KAZN: variants seen among roughly 807,000 people sequenced by gnomAD.
KAZN encodes the protein kazrin, periplakin interacting protein.
KAZN carries 40 observed loss-of-function variants against 87.4 expected under a neutral mutation model. The observed-to-expected ratio is 0.46, with a 90% confidence interval of 0.36 to 0.60. The LOEUF (loss-of-function observed/expected upper bound fraction) is 0.60. KAZN is among the 20% of genes least tolerant of loss of function. The probability of loss-of-function intolerance (pLI) is 0.00; values close to 1 mark genes in which losing one functional copy is unlikely to be tolerated. For missense variants in KAZN, 898 were observed against 1,073.9 expected, an observed-to-expected ratio of 0.84 and a Z score of 2.29; for synonymous variants, 466 against 458.3, an observed-to-expected ratio of 1.02 and a Z score of -0.22.
At chr1:14,572,819 T>G (rs1489379140) in intron 2 of KAZN, among the ~76,000 whole-genome samples, 1 of 152,208 alleles carries the variant, frequency 6.6e-6, no homozygotes, top group Admixed American at 6.5e-5. Context: ...AAGACCCCCT[T>G]CTTGGACTCA....
At chr1:14,737,254 C>T (rs900808074) in intron 1 of KAZN, among the ~76,000 whole-genome samples, 4 of 152,068 alleles carry the variant, frequency 2.6e-5, no homozygotes, top group African/African-American at 7.2e-5. Context: ...GCGGATGGTG[C>T]AGGAGTGATC....
chr1:14,081,106 G>GT (rs36056101), intron 1 of KAZN, among the ~76,000 whole-genome samples: 16,209 of 143,346 alleles, frequency 0.11, 950 homozygotes, highest in East Asian at 0.14. Flanking sequence ...CATGGTGTTG[G>GT]TTTTTTTTTT....
intron 2 of KAZN, among the ~76,000 whole-genome samples, chr1:14,248,291 C>T (rs1298524390): frequency 6.6e-6 from 1 of 152,210 alleles, no homozygotes; most frequent in Non-Finnish European, 1.5e-5. Context: ...CCCTTCCTGT[C>T]CAGGCTGGCA....
chr1:14,437,675 G>T (rs939040103), intron 2 of KAZN, among the ~76,000 whole-genome samples: 4 of 152,154 alleles, frequency 2.6e-5, no homozygotes, highest in African/African-American at 9.7e-5. Context: ...GCCAGGAGCT[G>T]CAGTCGCTGC....
chr1:14,512,497 T>C (rs1183877310), intron 2 of KAZN, among the ~76,000 whole-genome samples: 1 of 125,416 alleles, frequency 8.0e-6, no homozygotes, highest in Non-Finnish European at 1.6e-5. Context: ...CCAACCCTAG[T>C]TGAGAACCAC....
At chr1:14,665,281 G>T (rs1435098504) in intron 1 of KAZN, among the ~76,000 whole-genome samples, 2 of 146,718 alleles carry the variant, frequency 1.4e-5, no homozygotes, top group Non-Finnish European at 3.0e-5. Flanking sequence ...AATATGTCCA[G>T]TGGCTGCCTC....
chr1:14,959,217 G>A (rs2101762089), intron 1 of KAZN, among the ~76,000 whole-genome samples: 1 of 152,242 alleles, frequency 6.6e-6, no homozygotes, highest in East Asian at 1.9e-4. Context: ...TTGGGAAAGA[G>A]ACAGATAAAT....
chr1:14,766,975 C>A (rs732470), intron 1 of KAZN, among the ~76,000 whole-genome samples: 83,478 of 151,736 alleles, frequency 0.55, 24,344 homozygotes, highest in Non-Finnish European at 0.67. Context: ...GGGACCAAAT[C>A]AATGGTGGGG....
At chr1:14,259,902 C>T (rs1010483729) in intron 2 of KAZN, among the ~76,000 whole-genome samples, 1 of 152,126 alleles carries the variant, frequency 6.6e-6, no homozygotes, top group Non-Finnish European at 1.5e-5. Flanking sequence ...GATCACTCTC[C>T]CCTTGAACAT....
chr1:14,233,369 A>G (rs114681310), intron 2 of KAZN, among the ~76,000 whole-genome samples: 2,111 of 152,310 alleles, frequency 0.014, 51 homozygotes, highest in African/African-American at 0.048. Flanking sequence ...TCCCAGGTTC[A>G]AGCAATCCTA....
At chr1:15,047,277 G>A (rs529908176) in intron 4 of KAZN, among the ~76,000 whole-genome samples, 73 of 152,252 alleles carry the variant, frequency 4.8e-4, no homozygotes, top group Non-Finnish European at 6.9e-4. Context: ...AAGTTTCACC[G>A]CCAGGCTGTG....
At chr1:14,624,853 G>C (rs148635499) in intron 1 of KAZN, among the ~76,000 whole-genome samples, 2 of 152,158 alleles carry the variant, frequency 1.3e-5, no homozygotes, top group Non-Finnish European at 2.9e-5. Flanking sequence ...ATTTGAGTTG[G>C]GTTAGTGACC....
At chr1:14,639,155 A>G (rs998812988) in intron 1 of KAZN, among the ~76,000 whole-genome samples, 3 of 152,008 alleles carry the variant, frequency 2.0e-5, no homozygotes, top group African/African-American at 7.2e-5. Flanking sequence ...CCCCAAATCC[A>G]TGGACCCCAG....
intron 3 of KAZN, among the ~76,000 whole-genome samples, chr1:15,037,524 G>A (rs112652523): frequency 3.9e-5 from 6 of 152,330 alleles, no homozygotes; most frequent in African/African-American, 1.4e-4. Flanking sequence ...GCCCAGTGCT[G>A]TCAGACCTGA....
intron 13 of KAZN, among the ~76,000 whole-genome samples, chr1:15,111,271 T>TTGTTGTTGTTG (rs55891519): frequency 0.21 from 31,608 of 147,464 alleles, 3,425 homozygotes; most frequent in East Asian, 0.27. Flanking sequence ...GTTGTTGTTG[T>TTGTTGTTGTTG]TTGTTGTTGT....
chr1:14,246,322 A>G lies in KAZN; in HGVS notation c.249+65730A>G, dbSNP rs183533766. ...CCTGCACATCCTGAGCATGTACCCC[A>G]GAACTTAATTAAAAAATATATAGTA... On this transcript the variant is annotated intron_variant, in intron 2 of 16. Transcript: ENST00000636203. Among the ~76,000 whole-genome samples the G allele has an allele frequency of 1.2e-4, 17 of 139,902 alleles. No homozygotes were observed. The East Asian group carries it at 3.5e-3, about 29-fold the overall frequency. The allele number at this position is 139,902 out of a possible 152,430, so 91.8% of individuals were successfully genotyped here. A position where few individuals can be genotyped will look rare whatever the true frequency, so the allele number is the denominator to read the frequency against.
intron 1 of KAZN, among the ~76,000 whole-genome samples, chr1:14,903,390 T>C (rs1656149008): frequency 6.6e-6 from 1 of 152,230 alleles, no homozygotes; most frequent in African/African-American, 2.4e-5. Flanking sequence ...CGTCCCAGCC[T>C]TTCAGGTGGG....
At chr1:14,285,745 G>A (rs778071462) in intron 2 of KAZN, among the ~76,000 whole-genome samples, 29 of 152,180 alleles carry the variant, frequency 1.9e-4, no homozygotes, top group Non-Finnish European at 3.2e-4. Context: ...TTGAGCCAAG[G>A]TGCCTTCATA....
intron 1 of KAZN, among the ~76,000 whole-genome samples, chr1:14,755,087 C>CAAACAAAAA (rs1644522226): frequency 1.7e-5 from 2 of 115,572 alleles, no homozygotes; most frequent in African/African-American, 6.9e-5. Flanking sequence ...ACTAAAAATG[C>CAAACAAAAA]AAAAAAAAAA....
Sources: allele counts gnomAD v4.1 joint callset (sites outside exome capture counted in the v4.1 genomes callset), GRCh38; gene constraint gnomAD v4.1.1; transcripts MANE v1.5; gene names NCBI Gene and HGNC (gene_info 2026-07-23, HGNC 2026-07-21).